PCDHA8: variants seen among roughly 807,000 people sequenced by gnomAD.
PCDHA8 encodes the protein protocadherin alpha 8.
Under a neutral mutation model 61.8 loss-of-function variants are expected in PCDHA8, and 53 were observed. That is an observed-to-expected ratio of 0.86 (90% CI 0.69 to 1.08). The LOEUF (loss-of-function observed/expected upper bound fraction) is 1.08, where lower values mean the gene tolerates loss of function less well. Among genes scored for constraint, PCDHA8 ranks in the 50% least tolerant of loss-of-function variants. The pLI is 0.00. For missense variants in PCDHA8, 1,293 were observed against 1,245.0 expected (o/e 1.04, Z -0.58); for synonymous variants, 618 against 556.6 (o/e 1.11, Z -1.55).
At chr5:140,962,719 T>G (rs928199903) in intron 1 of PCDHA8, among the ~76,000 whole-genome samples, 1 of 152,224 alleles carries the variant, frequency 6.6e-6, no homozygotes, top group Non-Finnish European at 1.5e-5. Flanking sequence ...TTGGAAAGTA[T>G]TTTCCTTCTG....
rs2150364623 is a variant in PCDHA8, at chr5:140,843,659, C to T, written c.2338C>T (p.Leu780=). ...CTTCAGCCCCTGCCTTCCTCCTGAT[C>T]TGGGATCAGTTGATGTAGGCGAAGA... ...MAFSPCLPPD[L]GSVDVGEEQD... is the part of the protein sequence containing the mutation. The change falls in exon 1 of 4, where the codon CTG becomes TTG. Residue 780 remains leucine, a synonymous_variant. Coordinates refer to ENST00000531613, the MANE Select transcript of PCDHA8 (RefSeq NM_018911.3). 2.5e-6 allele frequency: 4 copies of T among 1,594,466 alleles called. No homozygotes were observed. Among genetic ancestry groups the T allele is most frequent in the Admixed American group, 1.7e-5 (1 of 59,322 alleles).
At chr5:140,858,130 C>T in intron 1 of PCDHA8, 1 of 1,597,774 alleles carries the variant, frequency 6.3e-7, no homozygotes, top group Non-Finnish European at 8.6e-7. Flanking sequence ...TGGTGGATGT[C>T]AACGTGTACC....
chr5:140,934,534 G>A (rs1248269957), intron 1 of PCDHA8, among the ~76,000 whole-genome samples: 1 of 152,062 alleles, frequency 6.6e-6, no homozygotes, highest in Admixed American at 6.6e-5. Flanking sequence ...GAGAGCTACC[G>A]TTCTAATTCT....
In PCDHA8 at chr5:140,848,635, G is replaced by A; in HGVS notation, c.2394+4920G>A. 2.5e-6 allele frequency: 4 copies of A among 1,593,292 alleles called. 1 individual carries two copies. Among genetic ancestry groups the A allele is most frequent in the Admixed American group, 1.7e-5 (1 of 59,228 alleles). On this transcript the variant is annotated intron_variant, in intron 1 of 3. Transcript: ENST00000531613. ...GCCGAACACGGCACCTTCGTGGGCC[G>A]CATCGCGCAGGACCTGGGGCTGGAG...
intron 1 of PCDHA8, chr5:140,862,603 G>A (rs2047445390): frequency 3.9e-6 from 2 of 515,596 alleles, no homozygotes; most frequent in Non-Finnish European, 7.9e-6. Context: ...CATGGTGTTC[G>A]TGAAAGGTAA....
At chr5:140,950,131 C>G (rs1030150193) in intron 1 of PCDHA8, among the ~76,000 whole-genome samples, 6 of 151,858 alleles carry the variant, frequency 4.0e-5, no homozygotes, top group Non-Finnish European at 7.4e-5. Flanking sequence ...CCACAAGACA[C>G]AGTTATAATT....
intron 3 of PCDHA8, 162 bp downstream of exon 3, chr5:140,982,725 A>G (rs2096999365): frequency 1.1e-6 from 1 of 902,882 alleles, no homozygotes; most frequent in African/African-American, 1.8e-5. Flanking sequence ...GATTATTTTG[A>G]TTTTATACCT....
chr5:140,848,919 A>C, intron 1 of PCDHA8: 1 of 1,608,020 alleles, frequency 6.2e-7, no homozygotes, highest in Non-Finnish European at 8.5e-7. Flanking sequence ...GAATCTGTTC[A>C]TCGCGGAATC....
At chr5:140,877,296 C>A (rs781799440) in intron 1 of PCDHA8, 2 of 1,613,942 alleles carry the variant, frequency 1.2e-6, no homozygotes, top group Non-Finnish European at 1.7e-6. Context: ...CTTGGCTGTC[C>A]TACGAGTTGC....
intron 1 of PCDHA8, chr5:140,852,112 T>C: frequency 1.1e-6 from 1 of 910,156 alleles, no homozygotes; most frequent in Non-Finnish European, 1.3e-6. Flanking sequence ...TTACAAGGTA[T>C]GACCTAATTA....
intron 1 of PCDHA8, among the ~76,000 whole-genome samples, chr5:140,972,821 G>A (rs372160406): frequency 3.3e-5 from 5 of 152,010 alleles, no homozygotes; most frequent in East Asian, 3.9e-4. Flanking sequence ...GCGCCACCAC[G>A]CCTGGCTAAT....
chr5:140,906,194 A>C (rs543979654), intron 1 of PCDHA8, among the ~76,000 whole-genome samples: 6 of 152,288 alleles, frequency 3.9e-5, no homozygotes, highest in African/African-American at 1.2e-4. Context: ...AATCCAATCA[A>C]GTTGACACTC....
chr5:140,915,262 T>G (rs539637990), intron 1 of PCDHA8, among the ~76,000 whole-genome samples: 1 of 152,290 alleles, frequency 6.6e-6, no homozygotes, highest in Admixed American at 6.5e-5. Context: ...GTTATTATTT[T>G]TGACCAGTTC....
At chr5:140,857,806 G>A (rs1554150689) in intron 1 of PCDHA8, 2 of 1,597,702 alleles carry the variant, frequency 1.3e-6, no homozygotes, top group African/African-American at 1.3e-5. Flanking sequence ...CGGTGGTTGC[G>A]GGTCACGTGG....
intron 1 of PCDHA8, among the ~76,000 whole-genome samples, chr5:140,919,377 A>G (rs2079104195): frequency 1.3e-5 from 2 of 152,208 alleles, no homozygotes; most frequent in Non-Finnish European, 2.9e-5. Context: ...CAGACAACAC[A>G]TAGTTGGATG....
rs202032784 is a variant in PCDHA8, at chr5:140,927,180, C to T, written c.2395-51769C>T. On this transcript the variant is annotated intron_variant, in intron 1 of 3. Coordinates refer to ENST00000531613, the MANE Select transcript of PCDHA8 (RefSeq NM_018911.3). ...GGGCCAAAGCTGCCTGCGTCTTGAC[C>T]TACGACCTGGTGCTCGAGGACCCGC... is the stretch of plus-strand genomic sequence containing the variant. 5 of 1,614,048 alleles carry T rather than the reference C, an allele frequency of 3.1e-6. No homozygotes were observed. The South Asian group carries it at 3.3e-5, about 11-fold the overall frequency.
chr5:140,965,299 C>A (rs1295211520), intron 1 of PCDHA8, among the ~76,000 whole-genome samples: 4 of 152,134 alleles, frequency 2.6e-5, no homozygotes, highest in African/African-American at 7.2e-5. Context: ...TTCCTCTGAT[C>A]CTTCTACCTT....
At chr5:140,925,146 A>G (rs1467973124) in intron 1 of PCDHA8, among the ~76,000 whole-genome samples, 5 of 151,742 alleles carry the variant, frequency 3.3e-5, no homozygotes, top group Admixed American at 3.3e-4. Flanking sequence ...AACATACACA[A>G]AAGTTGAGAG....
At chr5:140,862,203 C>G (rs1481623018) in intron 1 of PCDHA8, 1 of 175,658 alleles carries the variant, frequency 5.7e-6, no homozygotes, top group Non-Finnish European at 1.2e-5. Context: ...AATGTTTGAT[C>G]ACTGCACAGA....
Sources: allele counts gnomAD v4.1 joint callset (sites outside exome capture counted in the v4.1 genomes callset), GRCh38; gene constraint gnomAD v4.1.1; transcripts MANE v1.5; gene names NCBI Gene and HGNC (gene_info 2026-07-23, HGNC 2026-07-21).